The following UBE2D2 variants were observed in gnomAD, a reference collection of about 807,000 sequenced individuals.
UBE2D2 encodes the protein ubiquitin conjugating enzyme E2 D2.
In UBE2D2, 2 loss-of-function variants were observed where a neutral mutation model predicts 24.2. The ratio of observed to expected loss-of-function variants is 0.08; its 90% CI spans 0.03 to 0.26. The LOEUF (loss-of-function observed/expected upper bound fraction) is 0.26. UBE2D2 is among the 10% of genes least tolerant of loss of function. The pLI is 1.00. For missense variants in UBE2D2, 44 were observed against 177.6 expected, an observed-to-expected ratio of 0.25 and a Z score of 4.28; for synonymous variants, 58 against 56.5, an observed-to-expected ratio of 1.03 and a Z score of -0.12.
chr5:139,545,610 G>A (rs1173920916), intron 1 of UBE2D2, among the ~76,000 whole-genome samples: 1 of 151,240 alleles, frequency 6.6e-6, no homozygotes, highest in African/African-American at 2.4e-5. Context: ...ATTTTTAGTA[G>A]AGACAGAGTT....
chr5:139,573,182 G>A (rs1395929156), intron 1 of UBE2D2, among the ~76,000 whole-genome samples: 1 of 151,402 alleles, frequency 6.6e-6, no homozygotes, highest in Non-Finnish European at 1.5e-5. Context: ...GGCACCTGTA[G>A]TCCCAGCTAC....
chr5:139,553,977 A>G (rs1040768801), intron 1 of UBE2D2, among the ~76,000 whole-genome samples: 1 of 151,888 alleles, frequency 6.6e-6, no homozygotes, highest in Non-Finnish European at 1.5e-5. Context: ...ATGGGGTTTC[A>G]CCATGTTGGC....
chr5:139,586,866 C>T (rs1056413545), intron 1 of UBE2D2, among the ~76,000 whole-genome samples: 3 of 152,016 alleles, frequency 2.0e-5, no homozygotes, highest in Non-Finnish European at 2.9e-5. Flanking sequence ...AATTTTAGTC[C>T]GTTTACTTTA....
At chr5:139,613,444 G>A (rs990842666) in intron 2 of UBE2D2, among the ~76,000 whole-genome samples, 4 of 152,108 alleles carry the variant, frequency 2.6e-5, no homozygotes, top group African/African-American at 9.7e-5. Context: ...CTCTCATGAT[G>A]CACTTAGTAG....
chr5:139,535,974 C>T (rs1021996218), intron 1 of UBE2D2, among the ~76,000 whole-genome samples: 45 of 151,998 alleles, frequency 3.0e-4, no homozygotes, highest in Non-Finnish European at 8.8e-5. Flanking sequence ...CTCACTGCAA[C>T]CTCTGCCTGC....
intron 5 of UBE2D2, among the ~76,000 whole-genome samples, chr5:139,622,406 A>G (rs1754528743): frequency 1.3e-5 from 2 of 150,568 alleles, no homozygotes; most frequent in South Asian, 4.2e-4. Flanking sequence ...CACCACGCCC[A>G]GCTAATTTTT....
intron 5 of UBE2D2, 87 bp downstream of exon 5, chr5:139,615,053 T>C: frequency 7.8e-7 from 1 of 1,280,652 alleles, no homozygotes; most frequent in Non-Finnish European, 1.1e-6. Context: ...TTACTTATGT[T>C]TCTTTTAAGA....
intron 1 of UBE2D2, among the ~76,000 whole-genome samples, chr5:139,556,018 C>G (rs1425170115): frequency 6.7e-6 from 1 of 149,988 alleles, no homozygotes; most frequent in Non-Finnish European, 1.5e-5. Context: ...GGGCGGATCA[C>G]CTGAGGTCAG....
intron 1 of UBE2D2, among the ~76,000 whole-genome samples, chr5:139,543,313 T>C (rs1752781843): frequency 1.3e-5 from 2 of 152,204 alleles, no homozygotes; most frequent in African/African-American, 4.8e-5. Context: ...ATACCCTACA[T>C]TAGTTACATT....
chr5:139,596,774 C>T (rs186812900), intron 1 of UBE2D2, among the ~76,000 whole-genome samples: 49 of 151,908 alleles, frequency 3.2e-4, no homozygotes, highest in Admixed American at 2.0e-3. Context: ...AGGCCAGGTG[C>T]GGTGGCTCAC....
upstream of UBE2D2, among the ~76,000 whole-genome samples, chr5:139,561,002 G>A (rs1019824586): frequency 6.6e-6 from 1 of 152,152 alleles, no homozygotes; most frequent in Non-Finnish European, 1.5e-5. Context: ...CCTCCTCCCG[G>A]GACTAGTACG....
intron 1 of UBE2D2, among the ~76,000 whole-genome samples, chr5:139,553,842 C>T (rs992211012): frequency 2.6e-5 from 4 of 152,086 alleles, no homozygotes; most frequent in Non-Finnish European, 2.9e-5. Context: ...TGCAGAGGCG[C>T]GATCTTGGCT....
At chr5:139,585,971 A>AATACAGCT (rs1028144067) in intron 1 of UBE2D2, among the ~76,000 whole-genome samples, 4 of 151,020 alleles carry the variant, frequency 2.6e-5, no homozygotes, top group Non-Finnish European at 5.9e-5. Context: ...AGAAGAAAGA[A>AATACAGCT]ATACAGCTAT....
intron 1 of UBE2D2, among the ~76,000 whole-genome samples, chr5:139,545,846 C>T (rs1752820169): frequency 6.6e-6 from 1 of 151,744 alleles, no homozygotes; most frequent in Non-Finnish European, 1.5e-5. Flanking sequence ...GCCTCAGCCC[C>T]CTGTGTAGCT....
intron 1 of UBE2D2, among the ~76,000 whole-genome samples, chr5:139,583,991 A>G (rs1349339757): frequency 6.6e-6 from 1 of 152,150 alleles, no homozygotes; most frequent in Non-Finnish European, 1.5e-5. Flanking sequence ...TAAAAAAATA[A>G]TAAGTTTATT....
At chr5:139,535,587 C>T (rs556795812) in intron 1 of UBE2D2, among the ~76,000 whole-genome samples, 4 of 151,556 alleles carry the variant, frequency 2.6e-5, no homozygotes, top group Admixed American at 6.6e-5. Flanking sequence ...CGAGATCACA[C>T]GACTGCACTC....
At chr5:139,544,895 G>A (rs1206284971) in intron 1 of UBE2D2, among the ~76,000 whole-genome samples, 3 of 151,864 alleles carry the variant, frequency 2.0e-5, no homozygotes, top group Non-Finnish European at 4.4e-5. Context: ...TCCTGCCTCA[G>A]CCTCCCAAGT....
At chr5:139,540,245 A>G (rs535104393) in intron 1 of UBE2D2, among the ~76,000 whole-genome samples, 2 of 152,128 alleles carry the variant, frequency 1.3e-5, no homozygotes, top group African/African-American at 4.8e-5. Flanking sequence ...AGATGTAACC[A>G]TTGGGGGAAA....
At chr5:139,568,243 C>T (rs1753282205) in intron 1 of UBE2D2, among the ~76,000 whole-genome samples, 2 of 152,030 alleles carry the variant, frequency 1.3e-5, no homozygotes, top group Middle Eastern at 3.4e-3. Flanking sequence ...ACTCAGGAGG[C>T]TGAGGCAGGA....
Sources: allele counts gnomAD v4.1 joint callset (sites outside exome capture counted in the v4.1 genomes callset), GRCh38; gene constraint gnomAD v4.1.1; transcripts MANE v1.5; gene names NCBI Gene and HGNC (gene_info 2026-07-23, HGNC 2026-07-21).